Variants in GAD2 observed in about 807,000 individuals in gnomAD.
The protein encoded by GAD2 is glutamate decarboxylase 2.
In GAD2, 22 loss-of-function variants were observed where a neutral mutation model predicts 80.1. The ratio of observed to expected loss-of-function variants is 0.27; its 90% CI spans 0.20 to 0.39. The LOEUF (loss-of-function observed/expected upper bound fraction) is 0.39, where lower values mean the gene tolerates loss of function less well. Among genes scored for constraint, GAD2 ranks in the 10% least tolerant of loss-of-function variants. The pLI, the probability that GAD2 is intolerant of heterozygous loss-of-function variation, is 1.00. For missense variants in GAD2, 624 were observed against 738.4 expected (o/e 0.85, Z 1.80); for synonymous variants, 274 against 256.9 (o/e 1.07, Z -0.64).
intron 8 of GAD2, among the ~76,000 whole-genome samples, chr10:26,252,813 C>A (rs560243864): frequency 1.2e-3 from 182 of 152,116 alleles, no homozygotes; most frequent in Non-Finnish European, 1.9e-3. Flanking sequence ...CATGTGCAAC[C>A]ACACCCAGCT....
Position 26,292,541 on chromosome 10 carries a change from GAGA to G in GAD2, c.1466_1468del (p.Glu489del). The G allele has an allele frequency of 6.2e-7, 1 of 1,613,846 alleles. No individual in the cohort carries two copies. The highest frequency in any genetic ancestry group is 8.5e-7 in the Non-Finnish European group (1 of 1,179,762). ...TATTTATACAACATCATAAAAAACC[GAGA>G]AGGATATGAGATGGTGTTTGATGGG... On this transcript the variant is annotated inframe_deletion, in exon 14 of 16. Transcript: ENST00000376261.
chr10:26,245,549 T>C (rs1018095045), intron 7 of GAD2, among the ~76,000 whole-genome samples: 1 of 151,992 alleles, frequency 6.6e-6, no homozygotes, highest in Non-Finnish European at 1.5e-5. Flanking sequence ...GCGATTCTCC[T>C]GCCTCAGCCT....
At chr10:26,252,281 G>A (rs948868848) in intron 8 of GAD2, among the ~76,000 whole-genome samples, 3 of 152,180 alleles carry the variant, frequency 2.0e-5, no homozygotes, top group Non-Finnish European at 4.4e-5. Flanking sequence ...AGAATAGTCT[G>A]TGTCTTTCTA....
intron 7 of GAD2, among the ~76,000 whole-genome samples, chr10:26,230,124 C>T (rs542255371): frequency 2.2e-4 from 34 of 152,108 alleles, no homozygotes; most frequent in African/African-American, 8.0e-4. Context: ...GCCGTGATTG[C>T]ACCACCACAC....
chr10:26,281,846 A>G (rs1052314472), intron 12 of GAD2, among the ~76,000 whole-genome samples: 3 of 152,196 alleles, frequency 2.0e-5, no homozygotes. Context: ...GATGAAACCC[A>G]AATAAGGAGC....
rs1391525380 is a variant in GAD2 at position 26,219,051 on chromosome 10, C to A, written c.295C>A (p.Pro99Thr). ...YAFLHATDLL[P>T]ACDGERPTLA... ...TTAATTTCATTCTTTAGACCTGCTG[C>A]CGGCGTGTGATGGAGAAAGGCCCAC... is the stretch of plus-strand genomic sequence containing the variant. The change falls in exon 4 of 16, where the codon CCG (proline) becomes ACG (threonine). Residue 99 changes from proline (P) to threonine (T), a missense_variant. Coordinates refer to ENST00000376261, the MANE Select transcript of GAD2 (RefSeq NM_001134366.2). 2 of 1,574,948 alleles carry A rather than the reference C, an allele frequency of 1.3e-6. No individual in the cohort carries two copies. The highest frequency in any genetic ancestry group is 2.7e-5 in the African/African-American group (2 of 73,602).
chr10:26,241,848 C>T (rs1844747370), intron 7 of GAD2, among the ~76,000 whole-genome samples: 1 of 152,090 alleles, frequency 6.6e-6, no homozygotes, highest in African/African-American at 2.4e-5. Flanking sequence ...GTCCTCACTC[C>T]TCTGGGTGGT....
intron 12 of GAD2, among the ~76,000 whole-genome samples, chr10:26,282,944 T>C (rs994574662): frequency 1.3e-5 from 2 of 152,212 alleles, no homozygotes; most frequent in South Asian, 2.1e-4. Context: ...CAATGTATTA[T>C]CATCTGCCCC....
intron 15 of GAD2, among the ~76,000 whole-genome samples, chr10:26,293,682 G>A (rs1389801424): frequency 6.6e-6 from 1 of 152,144 alleles, no homozygotes; most frequent in Non-Finnish European, 1.5e-5. Flanking sequence ...AGCAAACAAC[G>A]CTGCTGCTGA....
At chr10:26,271,132 G>A (rs1425585870) in intron 10 of GAD2, among the ~76,000 whole-genome samples, 1 of 152,182 alleles carries the variant, frequency 6.6e-6, no homozygotes. Flanking sequence ...AAGAGGAGTT[G>A]CATTTATGTA....
intron 8 of GAD2, among the ~76,000 whole-genome samples, chr10:26,252,264 G>A (rs1375228038): frequency 6.6e-6 from 1 of 152,186 alleles, no homozygotes; most frequent in Admixed American, 6.5e-5. Context: ...AAATGTCCCA[G>A]TGAAAGAGAA....
intron 8 of GAD2, among the ~76,000 whole-genome samples, chr10:26,264,736 T>A (rs1845049020): frequency 6.6e-6 from 1 of 152,216 alleles, no homozygotes; most frequent in Non-Finnish European, 1.5e-5. Context: ...CAGTTACTGC[T>A]TCTAAAACTG....
At chr10:26,294,168 A>G (rs973426153) in intron 15 of GAD2, among the ~76,000 whole-genome samples, 1 of 152,162 alleles carries the variant, frequency 6.6e-6, no homozygotes, top group Admixed American at 6.5e-5. Context: ...GGTTCTTTTC[A>G]TTTATCATAA....
At chr10:26,226,282 C>A (rs1844521527) in intron 6 of GAD2, among the ~76,000 whole-genome samples, 1 of 152,142 alleles carries the variant, frequency 6.6e-6, no homozygotes, top group Non-Finnish European at 1.5e-5. Context: ...AGAAATAATT[C>A]TCTTAGGCAG....
intron 8 of GAD2, among the ~76,000 whole-genome samples, chr10:26,262,010 ATAT>A (rs1845014739): frequency 6.6e-6 from 1 of 152,118 alleles, no homozygotes; most frequent in African/African-American, 2.4e-5. Context: ...ATAATTTCTA[ATAT>A]TATATTTAGG....
chr10:26,219,391 T>A, intron 4 of GAD2, 115 bp downstream of exon 4: 2 of 659,298 alleles, frequency 3.0e-6, no homozygotes, highest in South Asian at 4.6e-5. Flanking sequence ...ATTGCAAAGT[T>A]ATTTTCATCA....
At position 26,238,445 on chromosome 10, in the gene GAD2, C is replaced by A. The variant is rs118013875; in HGVS notation, c.841-7476C>A. ...ACAGAGTGCTCAAAATGACTGAAGA[C>A]ATACTCACTACTGATGTTCACATTT... On this transcript the variant is annotated intron_variant, in intron 7 of 15. Transcript: ENST00000376261. Among the ~76,000 whole-genome samples, 1,153 of 152,344 alleles carry A rather than the reference C, an allele frequency of 7.6e-3. 10 individuals carry two copies. The highest frequency in any genetic ancestry group is 0.013 in the Non-Finnish European group (861 of 68,026).
chr10:26,235,112 G>C (rs1469534405), intron 7 of GAD2, among the ~76,000 whole-genome samples: 1 of 152,192 alleles, frequency 6.6e-6, no homozygotes, highest in African/African-American at 2.4e-5. Context: ...GACCTCAGGT[G>C]ATCCACCTGC....
intron 7 of GAD2, among the ~76,000 whole-genome samples, chr10:26,239,789 C>G (rs938001291): frequency 6.6e-6 from 1 of 152,090 alleles, no homozygotes; most frequent in African/African-American, 2.4e-5. Flanking sequence ...GGAAGGTTTT[C>G]CAGGAAAATG....
Sources: allele counts gnomAD v4.1 joint callset (sites outside exome capture counted in the v4.1 genomes callset), GRCh38; gene constraint gnomAD v4.1.1; transcripts MANE v1.5; gene names NCBI Gene and HGNC (gene_info 2026-07-23, HGNC 2026-07-21).